Variants in PHF20 observed in about 807,000 individuals in gnomAD.
PHF20 encodes the protein PHD finger protein 20, also known as glioma-expressed antigen 2.
Under a neutral mutation model 113.5 loss-of-function variants are expected in PHF20, and 23 were observed. That is an observed-to-expected ratio of 0.20 (90% CI 0.15 to 0.29). PHF20 has a LOEUF of 0.29. Among genes scored for constraint, PHF20 ranks in the 10% least tolerant of loss-of-function variants. The pLI is 1.00. For missense variants in PHF20, 943 were observed against 1,219.6 expected (o/e 0.77, Z 3.38); for synonymous variants, 434 against 457.3 (o/e 0.95, Z 0.65).
At chr20:35,809,597 A>T (rs2041942340) in intron 2 of PHF20, among the ~76,000 whole-genome samples, 1 of 149,938 alleles carries the variant, frequency 6.7e-6, no homozygotes, top group Non-Finnish European at 1.5e-5. Flanking sequence ...AAAAAAAGAT[A>T]ATCCAGCTGG....
At chr20:35,791,537 G>GTGTATATATATATATATA (rs372219422) in intron 1 of PHF20, among the ~76,000 whole-genome samples, 2 of 127,230 alleles carry the variant, frequency 1.6e-5, no homozygotes, top group African/African-American at 6.0e-5. Flanking sequence ...TTAGAATAGT[G>GTGTATATATATATATATA]TATATATATA....
chr20:35,905,541 A>G (rs1406209430), intron 10 of PHF20, among the ~76,000 whole-genome samples: 1 of 152,220 alleles, frequency 6.6e-6, no homozygotes, highest in Non-Finnish European at 1.5e-5. Flanking sequence ...GGCCATCTGC[A>G]AACTGGGAAG....
chr20:35,827,314 A>G (rs1463498960), intron 2 of PHF20, among the ~76,000 whole-genome samples: 1 of 152,224 alleles, frequency 6.6e-6, no homozygotes, highest in East Asian at 1.9e-4. Context: ...TTTGCAGACA[A>G]ACTGTTTATA....
intron 4 of PHF20, among the ~76,000 whole-genome samples, chr20:35,857,768 G>A (rs992226944): frequency 2.6e-5 from 4 of 151,700 alleles, no homozygotes; most frequent in Non-Finnish European, 2.9e-5. Context: ...TGTATTTTTA[G>A]TAGAGACAGG....
chr20:35,800,038 G>C (rs559111765), intron 1 of PHF20: 1 of 152,194 alleles, frequency 6.6e-6, no homozygotes, highest in Non-Finnish European at 1.5e-5. Context: ...TCCATCAAAA[G>C]GAAATTGGCT....
rs569016319 is a variant in PHF20, at chr20:35,916,612, G to A, written c.1826-872G>A. Among the ~76,000 whole-genome samples, 465 of 151,890 alleles carry A rather than the reference G, an allele frequency of 3.1e-3. 1 individual carries two copies. Among genetic ancestry groups the A allele is most frequent in the Middle Eastern group, 6.8e-3 (2 of 294 alleles). On this transcript the variant is annotated intron_variant, in intron 12 of 17. Transcript: ENST00000374012. ...CCTCCCCATAGCTGGGATTACAGGC[G>A]CACACCACCACACCTAGCTAATTTT...
chr20:35,943,378 G>A (rs2056024029), intron 17 of PHF20, among the ~76,000 whole-genome samples: 1 of 151,450 alleles, frequency 6.6e-6, no homozygotes, highest in African/African-American at 2.4e-5. Context: ...CTGACCTGGC[G>A]TGGTGGCTCA....
At chr20:35,918,032 G>A (rs1335609693) in intron 13 of PHF20, among the ~76,000 whole-genome samples, 1 of 152,130 alleles carries the variant, frequency 6.6e-6, no homozygotes, top group Non-Finnish European at 1.5e-5. Flanking sequence ...TCTCTTTGAG[G>A]TAAATTTTCT....
intron 2 of PHF20, among the ~76,000 whole-genome samples, chr20:35,813,986 A>C (rs1600770142): frequency 6.6e-6 from 1 of 150,552 alleles, no homozygotes. Context: ...TTGAGGCTGC[A>C]GTTAGCTATG....
intron 17 of PHF20, among the ~76,000 whole-genome samples, chr20:35,942,277 TA>T (rs34086778): frequency 3.3e-5 from 5 of 150,864 alleles, no homozygotes; most frequent in Non-Finnish European, 5.9e-5. Context: ...AAAAATAAAC[TA>T]AAAAAAAGGG....
chr20:35,892,792 ATTATCAACTGGC>A (rs1305211387), intron 9 of PHF20, among the ~76,000 whole-genome samples: 1 of 152,150 alleles, frequency 6.6e-6, no homozygotes, highest in Non-Finnish European at 1.5e-5. Context: ...TGCAGGGTAG[ATTATCAACTGGC>A]TTATAATCAG....
chr20:35,923,761 TC>T (rs1395779740), intron 13 of PHF20, among the ~76,000 whole-genome samples: 1 of 152,208 alleles, frequency 6.6e-6, no homozygotes, highest in Non-Finnish European at 1.5e-5. Flanking sequence ...TTTTATATTT[TC>T]CTATTTTGAG....
In PHF20 at chr20:35,938,378, A is replaced by G. The variant is rs917961108; in HGVS notation, c.2301-319A>G. Among the ~76,000 whole-genome samples, 5 of 152,116 alleles carry G rather than the reference A, an allele frequency of 3.3e-5. 1 individual carries two copies. Among genetic ancestry groups the G allele is most frequent in the Admixed American group, 1.3e-4 (2 of 15,276 alleles). On this transcript the variant is annotated intron_variant, in intron 15 of 17. Transcript: ENST00000374012. The stretch of plus-strand genomic sequence containing the variant: ...GTTTACAATAGCAGACAGATCAGAC[A>G]GATAATTAGCCCAGTTTCACAGAGG...
At chr20:35,937,933 G>T (rs887818418) in intron 15 of PHF20, among the ~76,000 whole-genome samples, 1 of 151,896 alleles carries the variant, frequency 6.6e-6, no homozygotes, top group East Asian at 1.9e-4. Context: ...GTGCAGTGGC[G>T]CAATCTTGGC....
At chr20:35,905,627 A>G (rs551046324) in intron 10 of PHF20, among the ~76,000 whole-genome samples, 1 of 152,356 alleles carries the variant, frequency 6.6e-6, no homozygotes, top group East Asian at 1.9e-4. Flanking sequence ...TGAGAAAGAA[A>G]TATCTGTTGT....
intron 9 of PHF20, among the ~76,000 whole-genome samples, chr20:35,890,686 G>T (rs1215826976): frequency 6.6e-6 from 1 of 152,150 alleles, no homozygotes; most frequent in African/African-American, 2.4e-5. Context: ...TTCGAGACCA[G>T]CCTGGCCAAC....
chr20:35,813,814 C>T (rs1314354641), intron 2 of PHF20, among the ~76,000 whole-genome samples: 1 of 151,318 alleles, frequency 6.6e-6, no homozygotes, highest in African/African-American at 2.4e-5. Flanking sequence ...GCCGAGATAG[C>T]GCCATTGCAC....
chr20:35,929,941 A>G lies in PHF20; in HGVS notation c.2105-1308A>G, dbSNP rs555425654. 1.2e-4 allele frequency among the ~76,000 whole-genome samples: 19 copies of G among 152,380 alleles called. No homozygotes were observed. The East Asian group carries it at 3.7e-3, about 29-fold the overall frequency. ...AGCCAGAAGTAGCTCAAAGACCTTA[A>G]TAGGAATCACCTGGGTGTTTCAAGG... On this transcript the variant is annotated intron_variant, in intron 14 of 17. Coordinates refer to ENST00000374012, the MANE Select transcript of PHF20 (RefSeq NM_016436.5).
intron 10 of PHF20, among the ~76,000 whole-genome samples, chr20:35,910,332 A>G (rs2055275222): frequency 6.6e-6 from 1 of 152,204 alleles, no homozygotes; most frequent in Non-Finnish European, 1.5e-5. Flanking sequence ...TCTTAGAACT[A>G]TATCAAAGTG....
Sources: allele counts gnomAD v4.1 joint callset (sites outside exome capture counted in the v4.1 genomes callset), GRCh38; gene constraint gnomAD v4.1.1; transcripts MANE v1.5; gene names NCBI Gene and HGNC (gene_info 2026-07-23, HGNC 2026-07-21).